ATXN2: variants seen among roughly 807,000 people sequenced by gnomAD.
ATXN2 encodes the protein ataxin-2.
A neutral mutation model predicts 138.6 loss-of-function variants in ATXN2; 37 were observed. The ratio of observed to expected loss-of-function variants is 0.27; its 90% CI spans 0.21 to 0.35. ATXN2 has a LOEUF of 0.35. Ranked by LOEUF, ATXN2 falls within the 10% of genes least tolerant of loss-of-function variation. ATXN2 has a pLI of 1.00. For missense variants in ATXN2, 1,216 were observed against 1,480.3 expected (o/e 0.82, Z 2.93); for synonymous variants, 549 against 543.7 (o/e 1.01, Z -0.13).
chr12:111,586,601 T>C (rs1200441517), intron 1 of ATXN2, among the ~76,000 whole-genome samples: 1 of 151,884 alleles, frequency 6.6e-6, no homozygotes, highest in Non-Finnish European at 1.5e-5. Flanking sequence ...TTGGCCAGAA[T>C]GGTCTCAATC....
chr12:111,507,315 G>A (rs1403556744), intron 14 of ATXN2, among the ~76,000 whole-genome samples: 3 of 113,050 alleles, frequency 2.7e-5, no homozygotes, highest in South Asian at 3.2e-4. Flanking sequence ...GCCCGGCCGC[G>A]ACCCCGTCTG....
chr12:111,534,496 G>T (rs1202686409), intron 5 of ATXN2, among the ~76,000 whole-genome samples: 1 of 152,080 alleles, frequency 6.6e-6, no homozygotes, highest in Non-Finnish European at 1.5e-5. Context: ...ATATATACTA[G>T]ACACCATGGT....
intron 1 of ATXN2, among the ~76,000 whole-genome samples, chr12:111,578,151 C>T (rs1883785854): frequency 1.3e-5 from 2 of 152,168 alleles, no homozygotes; most frequent in African/African-American, 4.8e-5. Flanking sequence ...GAGCCAACAT[C>T]ACGCCACTAC....
At chr12:111,577,525 A>G (rs889764361) in intron 1 of ATXN2, among the ~76,000 whole-genome samples, 1 of 151,962 alleles carries the variant, frequency 6.6e-6, no homozygotes, top group Non-Finnish European at 1.5e-5. Context: ...TCGGCCTCCC[A>G]AAGTGCTGGG....
At chr12:111,494,765 CAAA>C (rs908874378) in intron 14 of ATXN2, among the ~76,000 whole-genome samples, 14 of 150,586 alleles carry the variant, frequency 9.3e-5, no homozygotes, top group African/African-American at 3.4e-4. Flanking sequence ...AACAGATACA[CAAA>C]AAATATAAAG....
chr12:111,464,128 A>T (rs1875797539), intron 21 of ATXN2, among the ~76,000 whole-genome samples: 1 of 152,082 alleles, frequency 6.6e-6, no homozygotes, highest in African/African-American at 2.4e-5. Context: ...CACAGGACTG[A>T]AAAGTTTTTC....
Position 111,516,817 on chromosome 12 carries a change from A to T in ATXN2, c.1166-454T>A, listed in dbSNP as rs1377097393. On this transcript the variant is annotated intron_variant, in intron 9 of 24. Coordinates refer to ENST00000673436, the MANE Select transcript of ATXN2 (RefSeq NM_001372574.1). This position sits in a 1 kb window ranked among gnomAD's most constrained non-coding sequence, Gnocchi z 5.0. ...AACGAAAATAAGCAGTAGCTATTAT[A>T]TCCAATTAGAAATGCTGGTTCCTTA... Among the ~76,000 whole-genome samples, 4 of 152,200 alleles carry T rather than the reference A, an allele frequency of 2.6e-5. No individual in the cohort carries two copies. Among genetic ancestry groups the T allele is most frequent in the Non-Finnish European group, 5.9e-5 (4 of 68,022 alleles).
Position 111,516,003 on chromosome 12 carries a change from A to G in ATXN2, c.1375+151T>C, listed in dbSNP as rs1157237470. 1.4e-6 allele frequency: 1 copy of G among 723,590 alleles called. No homozygotes were observed. Among genetic ancestry groups the G allele is most frequent in the Non-Finnish European group, 2.1e-6 (1 of 477,172 alleles). 44.8% of individuals were successfully genotyped at this position (723,590 alleles called of 1,614,324 possible). A position where few individuals can be genotyped will look rare whatever the true frequency, so the allele number is the denominator to read the frequency against. ...TATCAAATTTCTCTCTAATGAACAA[A>G]AGGTTAATAGAAATAGTTTTAATAA... On this transcript the variant is annotated intron_variant, in intron 10 of 24. Coordinates refer to ENST00000673436, the MANE Select transcript of ATXN2 (RefSeq NM_001372574.1). The surrounding 1 kb of genome is among the most constrained non-coding windows in gnomAD (Gnocchi z 5.0).
chr12:111,575,933 T>C (rs2135820774), intron 1 of ATXN2, among the ~76,000 whole-genome samples: 1 of 151,978 alleles, frequency 6.6e-6, no homozygotes, highest in East Asian at 1.9e-4. Context: ...AATACAAAAA[T>C]TAGCCAGGCA....
intron 20 of ATXN2, among the ~76,000 whole-genome samples, chr12:111,466,677 C>A (rs1566007223): frequency 6.6e-6 from 1 of 152,124 alleles, no homozygotes; most frequent in Non-Finnish European, 1.5e-5. Flanking sequence ...AAACAATAAT[C>A]AGGATTTCAT....
At chr12:111,581,502 T>A in intron 1 of ATXN2, 1 of 1,028,168 alleles carries the variant, frequency 9.7e-7, no homozygotes. Flanking sequence ...GCTCCCCCAA[T>A]GTCCACCGTG....
rs764313940 is a variant in ATXN2 at position 111,485,880 on chromosome 12, A to C, written c.2305-15T>G. The stretch of plus-strand genomic sequence containing the variant: ...GAAGGCTTTGGCTACAAAAACAACA[A>C]TAAATTCAATTATCTCAAGGTAACA... On this transcript the variant is annotated splice_polypyrimidine_tract_variant and intron_variant, in intron 16 of 24. Transcript: ENST00000673436. 6.2e-7 allele frequency: 1 copy of C among 1,612,280 alleles called. No homozygotes were observed. Among genetic ancestry groups the C allele is most frequent in the African/African-American group, 1.3e-5 (1 of 74,902 alleles).
chr12:111,585,663 G>C (rs995216008), intron 1 of ATXN2, among the ~76,000 whole-genome samples: 2 of 151,652 alleles, frequency 1.3e-5, no homozygotes, highest in Non-Finnish European at 2.9e-5. Context: ...AAATTAACCC[G>C]GTGTGTGACC....
rs780708018 is a variant in ATXN2 at position 111,598,293 on chromosome 12, G to A, written c.251+491C>T. 2.1e-4 allele frequency: 214 copies of A among 1,003,794 alleles called. No individual in the cohort carries two copies. The highest frequency in any genetic ancestry group is 2.0e-3 in the African/African-American group (117 of 57,632). The allele number at this position is 1,003,794 out of a possible 1,614,324, so 62.2% of individuals were successfully genotyped here. A position where few individuals can be genotyped will look rare whatever the true frequency, so the allele number is the denominator to read the frequency against. ...GCCTACCCCTTTAACCGGCACGGGG[G>A]ACGCGGCCCTAACTTCTCCCCTCCA... On this transcript the variant is annotated intron_variant, in intron 1 of 24. Transcript: ENST00000673436. This position sits in a 1 kb window ranked among gnomAD's most constrained non-coding sequence, Gnocchi z 4.5.
chr12:111,583,227 G>A lies in ATXN2; in HGVS notation c.251+15557C>T, dbSNP rs1049843955. On this transcript the variant is annotated intron_variant, in intron 1 of 24. Coordinates refer to ENST00000673436, the MANE Select transcript of ATXN2 (RefSeq NM_001372574.1). ...AGGTTGGTCTCGATCTCCTGACCTC[G>A]TGATCCACCCGCCTCAGCCTCCCAA... Among the ~76,000 whole-genome samples the A allele has an allele frequency of 2.7e-4, 40 of 150,710 alleles. 1 individual carries two copies. Among genetic ancestry groups the A allele is most frequent in the African/African-American group, 9.5e-4 (39 of 40,908 alleles).
In ATXN2 at chr12:111,512,286, AAAAGAG is replaced by A. The variant is rs561992984; in HGVS notation, c.1558+1065_1558+1070del. On this transcript the variant is annotated intron_variant, in intron 11 of 24. Transcript: ENST00000673436. ...CTTTTAAAGGTTCTCTGGACTGATT[AAAAGAG>A]AAAAAGTGTTTTTTTTGTTTGTTTG... Among the ~76,000 whole-genome samples, 76 of 152,132 alleles carry A rather than the reference AAAAGAG, an allele frequency of 5.0e-4. No individual in the cohort carries two copies. The Middle Eastern group carries it at 0.017, about 34-fold the overall frequency.
chr12:111,554,006 T>TA, intron 3 of ATXN2, 152 bp downstream of exon 3: 1 of 592,428 alleles, frequency 1.7e-6, no homozygotes, highest in South Asian at 2.1e-5. Flanking sequence ...TTAGACTGGA[T>TA]AAAAGGAGTT....
At chr12:111,454,651 C>A (rs1874925164) in intron 23 of ATXN2, 1 of 163,982 alleles carries the variant, frequency 6.1e-6, no homozygotes, top group South Asian at 1.7e-4. Context: ...GCCCTTGTTT[C>A]CTTTTTCCCA....
intron 5 of ATXN2, among the ~76,000 whole-genome samples, chr12:111,541,346 CTTTTTT>C (rs62932861): frequency 3.0e-5 from 2 of 67,442 alleles, no homozygotes; most frequent in East Asian, 3.7e-4. Flanking sequence ...AGTTATAATT[CTTTTTT>C]TTTTTTTTTT....
Sources: allele counts gnomAD v4.1 joint callset (sites outside exome capture counted in the v4.1 genomes callset), GRCh38; gene constraint gnomAD v4.1.1; non-coding constraint Gnocchi (gnomAD v3.1); transcripts MANE v1.5; gene names NCBI Gene and HGNC (gene_info 2026-07-23, HGNC 2026-07-21).